Variants in HSPA4L observed in about 807,000 individuals in gnomAD.
HSPA4L encodes the protein heat shock protein family A (Hsp70) member 4 like.
HSPA4L carries 48 observed loss-of-function variants against 100.3 expected under a neutral mutation model. That is an observed-to-expected ratio of 0.48 (90% CI 0.38 to 0.61). The LOEUF (loss-of-function observed/expected upper bound fraction) is 0.61. HSPA4L is among the 20% of genes least tolerant of loss of function. The pLI is 0.00. For synonymous variants in HSPA4L, 319 were observed against 328.2 expected, an observed-to-expected ratio of 0.97 and a Z score of 0.30; for missense variants, 886 against 988.6, an observed-to-expected ratio of 0.90 and a Z score of 1.39.
intron 6 of HSPA4L, among the ~76,000 whole-genome samples, chr4:127,802,436 G>A (rs191858270): frequency 1.1e-4 from 16 of 152,166 alleles, no homozygotes; most frequent in Non-Finnish European, 1.9e-4. Flanking sequence ...AGTTTACTTA[G>A]GAGATAAACT....
chr4:127,807,115 A>G (rs1307998322), intron 10 of HSPA4L, among the ~76,000 whole-genome samples: 1 of 152,024 alleles, frequency 6.6e-6, no homozygotes, highest in Non-Finnish European at 1.5e-5. Context: ...AGTAGAAGGT[A>G]TTGGTAGTTT....
At chr4:127,823,945 A>G (rs1733880397) in intron 16 of HSPA4L, among the ~76,000 whole-genome samples, 1 of 152,198 alleles carries the variant, frequency 6.6e-6, no homozygotes, top group Admixed American at 6.5e-5. Context: ...TGTACAATAG[A>G]TCTCTTGGAC....
At chr4:127,831,571 A>G (rs1734084185) in intron 18 of HSPA4L, among the ~76,000 whole-genome samples, 1 of 150,712 alleles carries the variant, frequency 6.6e-6, no homozygotes, top group South Asian at 2.1e-4. Flanking sequence ...CAATAAGTTG[A>G]TGCATCCATA....
Position 127,837,047 on chromosome 4 carries a change from T to G in HSPA4L, c.*4173T>G, listed in dbSNP as rs1734227885. The G allele has an allele frequency of 6.6e-6, 1 of 152,134 alleles. No individual in the cohort carries two copies. The highest frequency in any genetic ancestry group is 1.5e-5 in the Non-Finnish European group (1 of 68,046). 9.4% of individuals were successfully genotyped at this position (152,134 alleles called of 1,614,324 possible). A position where few individuals can be genotyped will look rare whatever the true frequency, so the allele number is the denominator to read the frequency against. On this transcript the variant is annotated 3_prime_UTR_variant, in exon 19 of 19. Coordinates refer to ENST00000296464, the MANE Select transcript of HSPA4L (RefSeq NM_014278.4). ...CCTCCACCACCTGAGTTCAAGCGAT[T>G]TTTCTGCCTCAACCTCTCCTGAGTA...
Position 127,808,131 on chromosome 4 carries a change from T to C in HSPA4L, c.1378+2T>C, listed in dbSNP as rs753950408. The C allele has an allele frequency of 6.3e-7, 1 of 1,583,388 alleles. No homozygotes were observed. Among genetic ancestry groups the C allele is most frequent in the Admixed American group, 2.0e-5 (1 of 50,246 alleles). ...TGCCTTATCCTGATGCAAGAATTGG[T>C]AAGATAAAAAAAAGTTCTCCATAAC... On this transcript the variant is annotated splice_donor_variant, in intron 11 of 18. Transcript: ENST00000296464. LOFTEE classifies it high-confidence loss of function.
At chr4:127,808,358 A>G (rs1733423257) in intron 11 of HSPA4L, among the ~76,000 whole-genome samples, 2 of 152,170 alleles carry the variant, frequency 1.3e-5, no homozygotes, top group Non-Finnish European at 2.9e-5. Flanking sequence ...GCATCTGTAC[A>G]TTCAGCCAAT....
chr4:127,787,073 A>G (rs1211002336), intron 1 of HSPA4L, among the ~76,000 whole-genome samples: 1 of 152,212 alleles, frequency 6.6e-6, no homozygotes, highest in Admixed American at 6.5e-5. Context: ...TTCAATATTC[A>G]GTTCTCTGGT....
At chr4:127,818,793 T>A (rs965695563) in intron 13 of HSPA4L, among the ~76,000 whole-genome samples, 1 of 151,784 alleles carries the variant, frequency 6.6e-6, no homozygotes, top group Non-Finnish European at 1.5e-5. Context: ...CTAGGCTTAA[T>A]ACCTGGGTGA....
chr4:127,801,651 G>T (rs1733186753), intron 5 of HSPA4L, 134 bp from the exon 6 acceptor site: 2 of 658,260 alleles, frequency 3.0e-6, no homozygotes, highest in South Asian at 7.3e-5. Flanking sequence ...ACCGAATTGT[G>T]AAAAGTTCAT....
At chr4:127,819,511 A>G (rs940133834) in intron 13 of HSPA4L, among the ~76,000 whole-genome samples, 1 of 152,220 alleles carries the variant, frequency 6.6e-6, no homozygotes, top group Admixed American at 6.5e-5. Flanking sequence ...TATAGTTTAC[A>G]TGTCATTCAA....
intron 11 of HSPA4L, among the ~76,000 whole-genome samples, chr4:127,810,012 C>A (rs1021011998): frequency 1.3e-5 from 2 of 152,086 alleles, no homozygotes; most frequent in African/African-American, 2.4e-5. Flanking sequence ...TTAAAACAAA[C>A]CCCAAGAATA....
intron 10 of HSPA4L, among the ~76,000 whole-genome samples, chr4:127,806,415 T>G (rs1488921080): frequency 6.6e-6 from 1 of 152,028 alleles, no homozygotes; most frequent in Non-Finnish European, 1.5e-5. Context: ...GGAATGGAAT[T>G]GTTTAGCCAA....
At chr4:127,798,110 A>G (rs1733074600) in intron 3 of HSPA4L, among the ~76,000 whole-genome samples, 1 of 152,164 alleles carries the variant, frequency 6.6e-6, no homozygotes, top group South Asian at 2.1e-4. Flanking sequence ...TTAGATATAT[A>G]TATTTATACA....
rs1428055062 is a variant in HSPA4L at position 127,836,607 on chromosome 4, T to G, written c.*3733T>G. On this transcript the variant is annotated 3_prime_UTR_variant, in exon 19 of 19. Coordinates refer to ENST00000296464, the MANE Select transcript of HSPA4L (RefSeq NM_014278.4). The stretch of plus-strand genomic sequence containing the variant: ...AAGAGAATTTTGGGGCTCAATAATT[T>G]AACATAATGTCAGTGTTAAAGCACT... The G allele has an allele frequency of 6.6e-6, 1 of 151,920 alleles. No homozygotes were observed. Among genetic ancestry groups the G allele is most frequent in the African/African-American group, 2.4e-5 (1 of 41,384 alleles). 9.4% of individuals were successfully genotyped at this position (151,920 alleles called of 1,614,324 possible). A position where few individuals can be genotyped will look rare whatever the true frequency, so the allele number is the denominator to read the frequency against.
intron 10 of HSPA4L, among the ~76,000 whole-genome samples, chr4:127,807,018 G>C (rs1439299802): frequency 6.6e-6 from 1 of 151,814 alleles, no homozygotes; most frequent in Non-Finnish European, 1.5e-5. Flanking sequence ...TCAGTTTCAA[G>C]GTATAAGTGA....
Position 127,811,480 on chromosome 4 carries a change from T to C in HSPA4L, c.1422T>C (p.Asp474=), listed in dbSNP as rs1445522537. ...IQNVFPQSDG[D]SSKVKVKVRV... is the part of the protein sequence containing the mutation. The stretch of plus-strand genomic sequence containing the variant: ...ATGTTTTTCCACAGTCTGATGGTGA[T>C]AGTTCCAAAGTGAAGGTTAAAGTTC... Residue 474 remains aspartate (D), a synonymous_variant, in exon 12 of 19, where the codon GAT becomes GAC. Transcript: ENST00000296464. 2 of 1,613,944 alleles carry C rather than the reference T, an allele frequency of 1.2e-6. No individual in the cohort carries two copies. Among genetic ancestry groups the C allele is most frequent in the Admixed American group, 3.3e-5 (2 of 60,006 alleles).
chr4:127,813,707 A>G (rs548160445), intron 12 of HSPA4L, among the ~76,000 whole-genome samples: 4 of 152,300 alleles, frequency 2.6e-5, no homozygotes, highest in African/African-American at 9.6e-5. Flanking sequence ...CAGTGGCACA[A>G]TCTCGGCCCA....
intron 3 of HSPA4L, among the ~76,000 whole-genome samples, chr4:127,796,378 C>T (rs1390306609): frequency 1.3e-5 from 2 of 151,902 alleles, no homozygotes; most frequent in Admixed American, 1.3e-4. Context: ...ATTAGTTAAC[C>T]AAAACATGTT....
intron 11 of HSPA4L, among the ~76,000 whole-genome samples, chr4:127,809,664 C>T (rs1020619995): frequency 6.6e-6 from 1 of 152,086 alleles, no homozygotes; most frequent in Non-Finnish European, 1.5e-5. Context: ...GAGGCTGTAT[C>T]GTCCAAGGAA....
Sources: gnomAD v4.1 joint callset for allele counts (sites outside exome capture counted in the v4.1 genomes callset) on GRCh38, gnomAD v4.1.1 for gene constraint, MANE v1.5 for transcripts, NCBI Gene and HGNC (gene_info 2026-07-23, HGNC 2026-07-21) for gene names.